LYPD6B: variants seen among roughly 807,000 people sequenced by gnomAD.
LYPD6B encodes LY6/PLAUR domain containing 6B.
In LYPD6B, 17 loss-of-function variants were observed where a neutral mutation model predicts 22.8. The ratio of observed to expected loss-of-function variants is 0.75; its 90% CI spans 0.51 to 1.12. LYPD6B has a LOEUF of 1.12. LYPD6B is among the 50% of genes most tolerant of loss of function. The pLI is 0.00. For synonymous variants in LYPD6B, 106 were observed against 91.6 expected (o/e 1.16, Z -0.90); for missense variants, 221 against 258.3 (o/e 0.86, Z 0.99).
In LYPD6B at chr2:149,130,869, G is replaced by C. The variant is rs1054461979; in HGVS notation, c.-66-14G>C. ...ATCAGTCATAATGATACCTTTTCAT[G>C]TTCATTTGTTTAGATATGCCACACT... On this transcript the variant is annotated splice_polypyrimidine_tract_variant and intron_variant, in intron 1 of 6. Coordinates refer to ENST00000409642, the MANE Select transcript of LYPD6B (RefSeq NM_177964.5). The C allele has an allele frequency of 3.9e-6, 4 of 1,038,604 alleles. No homozygotes were observed. In the African/African-American group the frequency reaches 6.3e-5, roughly 16 times the overall value. The allele number at this position is 1,038,604 out of a possible 1,614,324, so 64.3% of individuals were successfully genotyped here.
intron 1 of LYPD6B, among the ~76,000 whole-genome samples, chr2:149,093,081 G>A (rs574273265): frequency 2.0e-5 from 3 of 152,250 alleles, no homozygotes; most frequent in Non-Finnish European, 2.9e-5. Flanking sequence ...ATGCTTAAGG[G>A]CTGTTTGACC....
At chr2:149,052,663 A>G (rs1683617689) in intron 1 of LYPD6B, among the ~76,000 whole-genome samples, 1 of 152,168 alleles carries the variant, frequency 6.6e-6, no homozygotes, top group Non-Finnish European at 1.5e-5. Context: ...GAGATGATGA[A>G]CACCAGCCCC....
intron 2 of LYPD6B, among the ~76,000 whole-genome samples, chr2:149,152,628 C>T (rs1176988848): frequency 1.3e-5 from 2 of 152,170 alleles, no homozygotes; most frequent in African/African-American, 4.8e-5. Flanking sequence ...TTCTAGGAAT[C>T]AAAGAGTTTC....
At chr2:149,056,238 C>T (rs1280797610) in intron 1 of LYPD6B, among the ~76,000 whole-genome samples, 1 of 152,184 alleles carries the variant, frequency 6.6e-6, no homozygotes, top group Non-Finnish European at 1.5e-5. Context: ...TCCTGCCTTT[C>T]CACAATTTGG....
chr2:149,195,486 A>C (rs1052968877), intron 3 of LYPD6B, among the ~76,000 whole-genome samples: 1 of 152,226 alleles, frequency 6.6e-6, no homozygotes, highest in Admixed American at 6.5e-5. Context: ...TAGGCAAATC[A>C]TATAGATTTA....
At chr2:149,064,526 A>T (rs896894826) in intron 1 of LYPD6B, among the ~76,000 whole-genome samples, 1 of 152,220 alleles carries the variant, frequency 6.6e-6, no homozygotes, top group African/African-American at 2.4e-5. Context: ...GATAGCAATG[A>T]CTATAGTATT....
chr2:149,130,728 C>T (rs1382774381), intron 1 of LYPD6B, among the ~76,000 whole-genome samples, 155 bp from the exon 2 acceptor site: 1 of 152,164 alleles, frequency 6.6e-6, no homozygotes, highest in East Asian at 1.9e-4. Flanking sequence ...TCTGGTCTTT[C>T]TTGTACCTGG....
chr2:149,126,317 A>G (rs368111655), intron 1 of LYPD6B, among the ~76,000 whole-genome samples: 2 of 152,342 alleles, frequency 1.3e-5, no homozygotes, highest in African/African-American at 4.8e-5. Context: ...AAATCCATGT[A>G]TGATTTCTAA....
intron 1 of LYPD6B, among the ~76,000 whole-genome samples, chr2:149,105,232 T>C (rs1295016551): frequency 6.6e-6 from 1 of 152,164 alleles, no homozygotes; most frequent in Non-Finnish European, 1.5e-5. Context: ...CTTGTCTTGA[T>C]TACTGCAGCT....
At position 149,198,010 on chromosome 2, in the gene LYPD6B, A is replaced by G. The variant is rs1261849233; in HGVS notation, c.78-7243A>G. The stretch of plus-strand genomic sequence containing the variant: ...TTGATTCTTTTTAAAGGGAGTTTCT[A>G]ATTCCTAAACATCTAAGCTTTTCTT... On this transcript the variant is annotated intron_variant, in intron 3 of 6. Transcript: ENST00000409642. 2.0e-5 allele frequency among the ~76,000 whole-genome samples: 3 copies of G among 151,760 alleles called. No homozygotes were observed. The East Asian group carries it at 5.8e-4, about 29-fold the overall frequency.
chr2:149,134,850 A>T (rs7596282), intron 2 of LYPD6B, among the ~76,000 whole-genome samples: 28,894 of 152,260 alleles, frequency 0.19, 2,904 homozygotes, highest in East Asian at 0.36. Flanking sequence ...GTAGCGAGGC[A>T]TGCAAGGTTA....
At chr2:149,106,949 G>T (rs1341637707) in intron 1 of LYPD6B, among the ~76,000 whole-genome samples, 2 of 151,856 alleles carry the variant, frequency 1.3e-5, no homozygotes, top group African/African-American at 4.8e-5. Context: ...GTGCTCCAAG[G>T]CCCCCAGTGG....
At chr2:149,143,038 A>AT (rs1688789268) in intron 2 of LYPD6B, among the ~76,000 whole-genome samples, 1 of 152,188 alleles carries the variant, frequency 6.6e-6, no homozygotes, top group Non-Finnish European at 1.5e-5. Flanking sequence ...AGTTTGGCAC[A>AT]TTTTTTACAA....
chr2:149,152,649 T>C (rs1357988761), intron 2 of LYPD6B, among the ~76,000 whole-genome samples: 1 of 152,220 alleles, frequency 6.6e-6, no homozygotes, highest in Non-Finnish European at 1.5e-5. Flanking sequence ...CTTTATTTTA[T>C]CCTCTCTTGG....
chr2:149,059,147 A>C (rs1236662327), intron 1 of LYPD6B, among the ~76,000 whole-genome samples: 1 of 152,222 alleles, frequency 6.6e-6, no homozygotes, highest in Non-Finnish European at 1.5e-5. Context: ...ATTCTGAGTG[A>C]GGGTTGGGCC....
chr2:149,143,513 CAAAAAAA>C (rs201618713), intron 2 of LYPD6B, among the ~76,000 whole-genome samples: 6 of 129,774 alleles, frequency 4.6e-5, no homozygotes, highest in Non-Finnish European at 9.9e-5. Flanking sequence ...ACATGTGACG[CAAAAAAA>C]AAAAAAAAAA....
chr2:149,141,907 TG>T (rs1688717597), intron 2 of LYPD6B: 1 of 152,232 alleles, frequency 6.6e-6, no homozygotes, highest in Admixed American at 6.5e-5. Flanking sequence ...TGGTGTTCCC[TG>T]GTTTGCAGCT....
At chr2:149,202,528 A>G (rs1693229545) in intron 3 of LYPD6B, among the ~76,000 whole-genome samples, 1 of 152,232 alleles carries the variant, frequency 6.6e-6, no homozygotes, top group Non-Finnish European at 1.5e-5. Context: ...TGTGTAAAGT[A>G]GCACCTGCTA....
intron 1 of LYPD6B, among the ~76,000 whole-genome samples, chr2:149,062,193 G>A (rs957589301): frequency 6.6e-6 from 1 of 152,070 alleles, no homozygotes. Context: ...CTCCATGTTG[G>A]TCAGGCTGGT....
Sources: allele counts gnomAD v4.1 joint callset (sites outside exome capture counted in the v4.1 genomes callset), GRCh38; gene constraint gnomAD v4.1.1; transcripts MANE v1.5; gene names NCBI Gene and HGNC (gene_info 2026-07-23, HGNC 2026-07-21).